Variants in LBR observed in about 807,000 individuals in gnomAD.
LBR encodes lamin B receptor, also known as delta(14)-sterol reductase LBR.
A neutral mutation model predicts 74.3 loss-of-function variants in LBR; 28 were observed. The observed-to-expected ratio is 0.38, with a 90% CI of 0.28 to 0.52. The LOEUF is 0.52. LBR is among the 20% of genes least tolerant of loss of function. The pLI, the probability that LBR is intolerant of heterozygous loss-of-function variation, is 0.89. For synonymous variants in LBR, 228 were observed against 269.3 expected (o/e 0.85, Z 1.50); for missense variants, 717 against 760.3 (o/e 0.94, Z 0.67).
In LBR at chr1:225,418,098, C is replaced by T. The variant is rs1014051778; in HGVS notation, c.723G>A (p.Leu241=). The T allele has an allele frequency of 6.2e-7, 1 of 1,614,042 alleles. No homozygotes were observed. Among genetic ancestry groups the T allele is most frequent in the African/African-American group, 1.3e-5 (1 of 74,900 alleles). ...LMCKQKDPSL[L]NFPPPLPALY... ...AAGCTGGCAAAGGAGGAGGGAAATT[C>T]AGAAGACTGGGATCTTTCTGTTTAC... Residue 241 remains leucine (L), a synonymous_variant, in exon 6 of 14, where the codon CTG becomes CTA. Transcript: ENST00000272163.
At chr1:225,411,834 G>A (rs1021909635) in intron 8 of LBR, among the ~76,000 whole-genome samples, 2 of 152,176 alleles carry the variant, frequency 1.3e-5, no homozygotes, top group African/African-American at 4.8e-5. Flanking sequence ...TTTTGAGATG[G>A]AGCCTCGCTC....
At chr1:225,406,552 A>G (rs2096092072) in intron 11 of LBR, 112 bp downstream of exon 11, 1 of 928,910 alleles carries the variant, frequency 1.1e-6, no homozygotes, top group Admixed American at 2.4e-5. Context: ...CTTCAAACTG[A>G]GCTAATGCTG....
intron 1 of LBR, among the ~76,000 whole-genome samples, chr1:225,426,342 T>C (rs1462055504): frequency 6.6e-6 from 1 of 152,234 alleles, no homozygotes; most frequent in African/African-American, 2.4e-5. Flanking sequence ...TCACTCACTA[T>C]GCACTCACCT....
intron 11 of LBR, 125 bp downstream of exon 11, chr1:225,406,539 T>C: frequency 1.2e-6 from 1 of 807,460 alleles, no homozygotes; most frequent in Non-Finnish European, 2.0e-6. Context: ...TCATGATAAA[T>C]GGCTTCAAAC....
chr1:225,424,167 T>A, intron 1 of LBR, 78 bp from the exon 2 acceptor site: 2 of 1,100,136 alleles, frequency 1.8e-6, no homozygotes, highest in Non-Finnish European at 2.8e-6. Flanking sequence ...GGCTGATCAC[T>A]AAAATACAAC....
rs749970291 is a variant in LBR, at chr1:225,412,425, C to T, written c.1084+29G>A. 24 of 1,608,986 alleles carry T rather than the reference C, an allele frequency of 1.5e-5. No homozygotes were observed. The South Asian group carries it at 2.5e-4, about 17-fold the overall frequency. On this transcript the variant is annotated intron_variant, in intron 8 of 13. Coordinates refer to ENST00000272163, the MANE Select transcript of LBR (RefSeq NM_002296.4). The stretch of plus-strand genomic sequence containing the variant: ...CTGCTGGAGGGCTCTGGGACGCATT[C>T]ATCCAACATGCAATTCATCACTGCT...
chr1:225,425,506 C>A (rs537254179), intron 1 of LBR, among the ~76,000 whole-genome samples: 1 of 152,132 alleles, frequency 6.6e-6, no homozygotes, highest in African/African-American at 2.4e-5. Context: ...CACAAGTTTT[C>A]GGGATGAAGT....
chr1:225,406,194 G>A (rs894786367), intron 11 of LBR, among the ~76,000 whole-genome samples: 49 of 152,004 alleles, frequency 3.2e-4, no homozygotes, highest in African/African-American at 1.0e-3. Flanking sequence ...TCACACTAAC[G>A]CTCCCCAGAG....
intron 10 of LBR, among the ~76,000 whole-genome samples, chr1:225,409,583 TG>T (rs1401781026): frequency 6.6e-6 from 1 of 152,244 alleles, no homozygotes; most frequent in Non-Finnish European, 1.5e-5. Context: ...CTGCCAGATT[TG>T]TTTTTAATAT....
chr1:225,428,378 T>C (rs1216628200), upstream of LBR, among the ~76,000 whole-genome samples: 1 of 152,120 alleles, frequency 6.6e-6, no homozygotes, highest in Admixed American at 6.5e-5. Flanking sequence ...CTCCCGCCCT[T>C]TCCCTCCCAG....
intron 5 of LBR, 76 bp from the exon 6 acceptor site, chr1:225,418,256 T>A (rs1356700724): frequency 2.1e-6 from 3 of 1,457,688 alleles, no homozygotes; most frequent in Non-Finnish European, 2.8e-6. Flanking sequence ...TTAGATTTGT[T>A]AAGATCAGAA....
chr1:225,422,750 C>T (rs977289192), intron 2 of LBR, among the ~76,000 whole-genome samples: 5 of 152,168 alleles, frequency 3.3e-5, no homozygotes, highest in African/African-American at 7.2e-5. Flanking sequence ...CCACCTACTC[C>T]GAATCTCCTT....
chr1:225,421,366 G>A (rs774718659), intron 3 of LBR, among the ~76,000 whole-genome samples: 9 of 152,204 alleles, frequency 5.9e-5, no homozygotes, highest in Non-Finnish European at 7.3e-5. Context: ...GGTGGTGGGC[G>A]CCTGTAGTCC....
upstream of LBR, among the ~76,000 whole-genome samples, chr1:225,428,256 G>A (rs2096145230): frequency 6.6e-6 from 1 of 152,098 alleles, no homozygotes; most frequent in Non-Finnish European, 1.5e-5. Flanking sequence ...CTGGGGGCGG[G>A]GAGGCCGGTG....
chr1:225,421,582 T>C (rs2096127588), intron 3 of LBR, among the ~76,000 whole-genome samples: 1 of 152,256 alleles, frequency 6.6e-6, no homozygotes, highest in Admixed American at 6.5e-5. Flanking sequence ...TACTTTGTCT[T>C]TGGTCTACTA....
chr1:225,418,727 C>T (rs565791485), intron 5 of LBR, among the ~76,000 whole-genome samples: 1 of 152,308 alleles, frequency 6.6e-6, no homozygotes, highest in African/African-American at 2.4e-5. Flanking sequence ...GACAAGAAGT[C>T]TTTTCTTTTA....
chr1:225,404,807 A>G (rs2096088118), intron 11 of LBR, 101 bp from the exon 12 acceptor site: 1 of 923,480 alleles, frequency 1.1e-6, no homozygotes, highest in Non-Finnish European at 1.7e-6. Context: ...TGCTCTGAGG[A>G]AATTTCCAAA....
In LBR at chr1:225,406,909, C is replaced by T. The variant is rs1324134529; in HGVS notation, c.1315-77G>A. The T allele has an allele frequency of 7.0e-6, 10 of 1,435,016 alleles. No individual in the cohort carries two copies. The Middle Eastern group carries it at 1.2e-3, about 175-fold the overall frequency. 88.9% of individuals were successfully genotyped at this position (1,435,016 alleles called of 1,614,324 possible). A position where few individuals can be genotyped will look rare whatever the true frequency, so the allele number is the denominator to read the frequency against. On this transcript the variant is annotated intron_variant, in intron 10 of 13. Coordinates refer to ENST00000272163, the MANE Select transcript of LBR (RefSeq NM_002296.4). ...TTCAAATAAAGTACTAGTTTACAGGCAAATGTAAAAAGTGCTATGGGCGGG... is the reference window on the plus strand; with the variant it reads ...TTCAAATAAAGTACTAGTTTACAGGTAAATGTAAAAAGTGCTATGGGCGGG...
chr1:225,406,709 T>A lies in LBR; in HGVS notation c.1438A>T (p.Asn480Tyr), dbSNP rs1376867105. ...GAAGCCATTGGCCAAGACACTTCAT[T>A]TGGATGACTGACTAAATAAAAGGCT... ...FQAFYLVSHPNEVSWPMASLI... is the reference protein window; with the variant it reads ...FQAFYLVSHPYEVSWPMASLI... Residue 480 changes from asparagine (N) to tyrosine (Y), a missense_variant, in exon 11 of 14, where the codon AAT becomes TAT. Coordinates refer to ENST00000272163, the MANE Select transcript of LBR (RefSeq NM_002296.4). The A allele has an allele frequency of 4.3e-6, 7 of 1,613,804 alleles. No homozygotes were observed.
Sources: gnomAD v4.1 joint callset for allele counts (sites outside exome capture counted in the v4.1 genomes callset) on GRCh38, gnomAD v4.1.1 for gene constraint, MANE v1.5 for transcripts, NCBI Gene and HGNC (gene_info 2026-07-23, HGNC 2026-07-21) for gene names.